The following PCSK2 variants were observed in gnomAD, a reference collection of about 807,000 sequenced individuals.
PCSK2 encodes the protein proprotein convertase subtilisin/kexin type 2.
PCSK2 carries 14 observed loss-of-function variants against 69.7 expected under a neutral mutation model. That is an observed-to-expected ratio of 0.20 (90% CI 0.13 to 0.31). The LOEUF (loss-of-function observed/expected upper bound fraction) is 0.31, where lower values mean the gene tolerates loss of function less well. PCSK2 is among the 10% of genes least tolerant of loss of function. The pLI is 1.00. For missense variants in PCSK2, 544 were observed against 842.5 expected, an observed-to-expected ratio of 0.65 and a Z score of 4.39; for synonymous variants, 307 against 320.7, an observed-to-expected ratio of 0.96 and a Z score of 0.46.
At chr20:17,363,145 A>G (rs2030458969) in intron 4 of PCSK2, among the ~76,000 whole-genome samples, 1 of 152,218 alleles carries the variant, frequency 6.6e-6, no homozygotes, top group South Asian at 2.1e-4. Flanking sequence ...TTGTCTCTCC[A>G]CATGTTGGCC....
chr20:17,272,877 G>T (rs75490278), intron 2 of PCSK2, among the ~76,000 whole-genome samples: 1,939 of 152,144 alleles, frequency 0.013, 39 homozygotes, highest in African/African-American at 0.044. Flanking sequence ...TGTGTATATG[G>T]CTCTCTGAGA....
intron 7 of PCSK2, among the ~76,000 whole-genome samples, chr20:17,434,264 G>C (rs1040377399): frequency 2.0e-5 from 3 of 149,970 alleles, no homozygotes; most frequent in Non-Finnish European, 3.0e-5. Flanking sequence ...TCTCTCACTC[G>C]GTCTACTCTC....
chr20:17,347,401 A>G (rs1990679220), intron 2 of PCSK2, among the ~76,000 whole-genome samples: 2 of 152,262 alleles, frequency 1.3e-5, no homozygotes, highest in East Asian at 3.9e-4. Flanking sequence ...GGCAAAGCAG[A>G]TGAACTAGAA....
intron 2 of PCSK2, among the ~76,000 whole-genome samples, chr20:17,294,772 C>T (rs1988831892): frequency 6.6e-6 from 1 of 152,118 alleles, no homozygotes; most frequent in South Asian, 2.1e-4. Context: ...TCTTGTCTGT[C>T]ATTCAGTGAG....
chr20:17,445,373 A>C (rs73102567), intron 8 of PCSK2, among the ~76,000 whole-genome samples: 11,000 of 151,868 alleles, frequency 0.072, 492 homozygotes, highest in East Asian at 0.17. Context: ...CTTCTTAATC[A>C]CTCTTCAGAG....
chr20:17,248,535 C>T (rs1986852389), intron 1 of PCSK2, among the ~76,000 whole-genome samples: 1 of 152,098 alleles, frequency 6.6e-6, no homozygotes. Context: ...GATCTTGGGT[C>T]TGCACTCCAA....
chr20:17,447,568 A>C (rs776472434), intron 8 of PCSK2, among the ~76,000 whole-genome samples: 1 of 152,026 alleles, frequency 6.6e-6, no homozygotes, highest in African/African-American at 2.4e-5. Context: ...AACTTTATCA[A>C]GAACAATAAT....
intron 3 of PCSK2, among the ~76,000 whole-genome samples, chr20:17,359,322 G>C (rs1010576214): frequency 2.6e-5 from 4 of 152,164 alleles, no homozygotes; most frequent in African/African-American, 9.7e-5. Flanking sequence ...AATTGAATGA[G>C]TGTACTTGTA....
intron 4 of PCSK2, among the ~76,000 whole-genome samples, chr20:17,366,179 T>C (rs1397603419): frequency 6.6e-6 from 1 of 152,220 alleles, no homozygotes; most frequent in East Asian, 1.9e-4. Context: ...AAGTGAACTA[T>C]TAACATTCTA....
chr20:17,320,040 A>C (rs1020824421), intron 2 of PCSK2, among the ~76,000 whole-genome samples: 5 of 152,214 alleles, frequency 3.3e-5, no homozygotes, highest in African/African-American at 1.2e-4. Flanking sequence ...CAGAAAGAAA[A>C]GACAGAGCTC....
intron 1 of PCSK2, among the ~76,000 whole-genome samples, chr20:17,241,805 G>A (rs1238814930): frequency 2.0e-5 from 3 of 152,182 alleles, no homozygotes; most frequent in Admixed American, 6.5e-5. Context: ...TAACTTAGAA[G>A]CCAAGAAGAA....
At chr20:17,427,438 GC>G (rs2032271553) in intron 6 of PCSK2, among the ~76,000 whole-genome samples, 1 of 152,092 alleles carries the variant, frequency 6.6e-6, no homozygotes, top group Non-Finnish European at 1.5e-5. Context: ...CACCCCAGCA[GC>G]CCCTCAATAC....
At chr20:17,417,763 T>G (rs2032033268) in intron 6 of PCSK2, among the ~76,000 whole-genome samples, 1 of 152,198 alleles carries the variant, frequency 6.6e-6, no homozygotes, top group Non-Finnish European at 1.5e-5. Context: ...ATATTATGCC[T>G]GATGTTTTCT....
At chr20:17,294,098 C>CTTTTTTT (rs34805695) in intron 2 of PCSK2, among the ~76,000 whole-genome samples, 29 of 73,954 alleles carry the variant, frequency 3.9e-4, no homozygotes, top group Non-Finnish European at 4.9e-4. Context: ...AAAGTATTTT[C>CTTTTTTT]TTTTTTTTTT....
chr20:17,369,398 G>GCACACA (rs111813860), intron 5 of PCSK2, 121 bp downstream of exon 5: 2 of 690,354 alleles, frequency 2.9e-6, no homozygotes, highest in African/African-American at 3.5e-5. Flanking sequence ...ACAGGAGCAT[G>GCACACA]CACACACACA....
At chr20:17,344,740 G>A (rs1012720057) in intron 2 of PCSK2, among the ~76,000 whole-genome samples, 8 of 152,248 alleles carry the variant, frequency 5.3e-5, no homozygotes, top group Admixed American at 1.3e-4. Context: ...CACATGCCAA[G>A]CATAAAAAAT....
intron 9 of PCSK2, 143 bp from the exon 10 acceptor site, chr20:17,456,205 C>A: frequency 1.7e-6 from 1 of 593,198 alleles, no homozygotes; most frequent in Non-Finnish European, 3.0e-6. Context: ...CATGCCACTG[C>A]ACTCCAGCCT....
chr20:17,421,296 G>A (rs549636595), intron 6 of PCSK2, among the ~76,000 whole-genome samples: 1 of 152,344 alleles, frequency 6.6e-6, no homozygotes, highest in South Asian at 2.1e-4. Flanking sequence ...CTTGCCAGCA[G>A]ACTCAGGGAC....
chr20:17,268,060 T>TATATATATATAAAA (rs1395373344), intron 2 of PCSK2, among the ~76,000 whole-genome samples: 47 of 146,216 alleles, frequency 3.2e-4, no homozygotes, highest in African/African-American at 1.1e-3. Context: ...TATATATATA[T>TATATATATATAAAA]ATAATGCATT....
Sources: allele counts gnomAD v4.1 joint callset (sites outside exome capture counted in the v4.1 genomes callset), GRCh38; gene constraint gnomAD v4.1.1; transcripts MANE v1.5; gene names NCBI Gene and HGNC (gene_info 2026-07-23, HGNC 2026-07-21).